The following KNDC1 variants were observed in gnomAD, a reference collection of about 807,000 sequenced individuals.
KNDC1 encodes the protein kinase non-catalytic C-lobe domain-containing protein 1.
KNDC1 carries 106 observed loss-of-function variants against 172.8 expected under a neutral mutation model. The observed-to-expected ratio is 0.61, with a 90% CI of 0.52 to 0.72. KNDC1 has a LOEUF of 0.72. Among genes scored for constraint, KNDC1 ranks in the 30% least tolerant of loss-of-function variants. The probability of loss-of-function intolerance (pLI) is 0.00; values close to 1 mark genes in which losing one functional copy is unlikely to be tolerated. For synonymous variants in KNDC1, 1,083 were observed against 1,062.2 expected (o/e 1.02, Z -0.38); for missense variants, 2,325 against 2,394.5 (o/e 0.97, Z 0.61).
chr10:133,185,553 C>T (rs1216238062), intron 5 of KNDC1, among the ~76,000 whole-genome samples: 4 of 152,000 alleles, frequency 2.6e-5, no homozygotes, highest in Non-Finnish European at 5.9e-5. Context: ...GAGAGATCAA[C>T]GCCGTGTGTG....
Position 133,190,873 on chromosome 10 carries a change from G to A in KNDC1, c.1575+1060G>A, listed in dbSNP as rs184264636. 4.6e-5 allele frequency among the ~76,000 whole-genome samples: 7 copies of A among 152,300 alleles called. No homozygotes were observed. The East Asian group carries it at 1.2e-3, about 25-fold the overall frequency. On this transcript the variant is annotated intron_variant, in intron 9 of 29. Coordinates refer to ENST00000304613, the MANE Select transcript of KNDC1 (RefSeq NM_152643.8). ...TGAGATTGTCTCAAACAAAAACCGC[G>A]TCCGTGAGGCTGCAGTGGCTCTGTG...
In KNDC1 at chr10:133,188,559, C is replaced by T. The variant is rs1406685031; in HGVS notation, c.1347C>T (p.Leu449=). 2.5e-6 allele frequency: 4 copies of T among 1,576,582 alleles called. No individual in the cohort carries two copies. Among genetic ancestry groups the T allele is most frequent in the Non-Finnish European group, 3.4e-6 (4 of 1,161,556 alleles). The part of the protein sequence containing the change: ...AAEQWVSLQD[L]LSQLGRPFRE... ...CACAGTGGGTGTCCCTGCAGGACCT[C>T]CTGTCCCAGCTGGGCCGGCCCTTCC... Residue 449 remains leucine, a synonymous_variant, in exon 7 of 30, where the codon CTC becomes CTT. Coordinates refer to ENST00000304613, the MANE Select transcript of KNDC1 (RefSeq NM_152643.8).
rs373887417 is a variant in KNDC1, at chr10:133,188,523, G to A, written c.1327-16G>A. On this transcript the variant is annotated splice_polypyrimidine_tract_variant and intron_variant, in intron 6 of 29. Coordinates refer to ENST00000304613, the MANE Select transcript of KNDC1 (RefSeq NM_152643.8). ...AAGGGGTGTCCACACTGACCTCGCCGCTCTCCTGCCCACAGTGGGTGTCCC... is the reference window on the plus strand; with the variant it reads ...AAGGGGTGTCCACACTGACCTCGCCACTCTCCTGCCCACAGTGGGTGTCCC... 459 of 1,518,888 alleles carry A rather than the reference G, an allele frequency of 3.0e-4. No homozygotes were observed. In the African/African-American group the frequency reaches 4.7e-3, roughly 16 times the overall value. 94.1% of individuals were successfully genotyped at this position (1,518,888 alleles called of 1,614,324 possible). A position where few individuals can be genotyped will look rare whatever the true frequency, so the allele number is the denominator to read the frequency against.
intron 9 of KNDC1, among the ~76,000 whole-genome samples, chr10:133,192,023 C>T (rs1430038768): frequency 6.6e-6 from 1 of 152,252 alleles, no homozygotes; most frequent in Admixed American, 6.5e-5. Flanking sequence ...CAAGTGGAAA[C>T]ACATCCCATG....
chr10:133,175,199 C>A (rs4838704), intron 3 of KNDC1, among the ~76,000 whole-genome samples: 1 of 147,294 alleles, frequency 6.8e-6, no homozygotes, highest in Non-Finnish European at 1.5e-5. Flanking sequence ...TGGATGGGTG[C>A]ATGGTGGATA....
At chr10:133,214,665 C>T (rs1327724133) in intron 26 of KNDC1, among the ~76,000 whole-genome samples, 2 of 152,338 alleles carry the variant, frequency 1.3e-5, no homozygotes, top group South Asian at 2.1e-4. Context: ...TCCTCCTGGC[C>T]GAATGCTCAT....
intron 3 of KNDC1, among the ~76,000 whole-genome samples, chr10:133,171,098 G>A (rs377103527): frequency 1.6e-4 from 24 of 152,364 alleles, no homozygotes; most frequent in African/African-American, 4.1e-4. Context: ...AGGTTGAGCC[G>A]ATAGTCACTG....
chr10:133,186,038 C>G lies in KNDC1; in HGVS notation c.690C>G (p.Pro230=). Residue 230 remains proline, a synonymous_variant, in exon 6 of 30, where the codon CCC becomes CCG. Coordinates refer to ENST00000304613, the MANE Select transcript of KNDC1 (RefSeq NM_152643.8). ...APGNAGPRRP[P]GDPSTDPEVL... Reference sequence around the variant, plus strand: ...GAAACGCTGGGCCCAGGAGGCCGCCCGGGGACCCCAGCACTGACCCGGAGG... The same window carrying G: ...GAAACGCTGGGCCCAGGAGGCCGCCGGGGGACCCCAGCACTGACCCGGAGG... The G allele has an allele frequency of 6.3e-7, 1 of 1,596,486 alleles. No homozygotes were observed. The highest frequency in any genetic ancestry group is 8.5e-7 in the Non-Finnish European group (1 of 1,173,242).
At chr10:133,221,617 T>C (rs1423884044) in intron 29 of KNDC1, among the ~76,000 whole-genome samples, 1 of 152,204 alleles carries the variant, frequency 6.6e-6, no homozygotes, top group Non-Finnish European at 1.5e-5. Flanking sequence ...ATGGCCTCAC[T>C]TGGGGAGCAA....
intron 11 of KNDC1, 120 bp downstream of exon 11, chr10:133,197,255 C>A (rs952090930): frequency 2.7e-5 from 21 of 768,618 alleles, no homozygotes; most frequent in Non-Finnish European, 4.4e-5. Context: ...TGTTGACCAC[C>A]GAGCTGTGGG....
At chr10:133,211,906 G>A in intron 23 of KNDC1, 48 bp downstream of exon 23, 1 of 1,552,746 alleles carries the variant, frequency 6.4e-7, no homozygotes, top group Non-Finnish European at 8.6e-7. Context: ...GCGGATGTGG[G>A]TCCCTGAGCC....
chr10:133,180,115 G>A (rs1354501794), intron 3 of KNDC1, among the ~76,000 whole-genome samples: 5 of 152,222 alleles, frequency 3.3e-5, no homozygotes, highest in African/African-American at 1.2e-4. Flanking sequence ...GCTGCTCTTC[G>A]CCGGTGGCTC....
In KNDC1 at chr10:133,210,703, G is replaced by T. The variant is rs752992378; in HGVS notation, c.3887G>T (p.Arg1296Leu). Residue 1296 changes from arginine to leucine, a missense_variant, in exon 21 of 30, where the codon CGC becomes CTC. Coordinates refer to ENST00000304613, the MANE Select transcript of KNDC1 (RefSeq NM_152643.8). ...PHDFLHFLLD[R>L]INSTLTRAHQ... ...GACTTCCTGCACTTCCTCCTCGACC[G>T]CATCAACAGCACGCTGACCAGGTAC... 1.2e-6 allele frequency: 2 copies of T among 1,613,116 alleles called. No homozygotes were observed.
chr10:133,174,708 G>A (rs556917320), intron 3 of KNDC1, among the ~76,000 whole-genome samples: 22 of 151,990 alleles, frequency 1.4e-4, no homozygotes, highest in African/African-American at 5.1e-4. Context: ...ATAGGTGGAT[G>A]GACAGATAGA....
intron 5 of KNDC1, among the ~76,000 whole-genome samples, chr10:133,185,494 G>GGCAGTGTGTGAAGTGTGGAGTTT: frequency 2.0e-5 from 1 of 49,238 alleles, no homozygotes; most frequent in Admixed American, 2.0e-4. Flanking sequence ...GTGTGGAGTA[G>GGCAGTGTGTGAAGTGTGGAGTTT]GCAGTGTGTG....
At chr10:133,180,722 C>T (rs895896779) in intron 3 of KNDC1, among the ~76,000 whole-genome samples, 1 of 152,248 alleles carries the variant, frequency 6.6e-6, no homozygotes, top group African/African-American at 2.4e-5. Flanking sequence ...GTGTGTGCGG[C>T]GCCCAGGCTG....
chr10:133,194,814 C>A (rs1438372685), intron 9 of KNDC1, among the ~76,000 whole-genome samples: 1 of 152,216 alleles, frequency 6.6e-6, no homozygotes, highest in Non-Finnish European at 1.5e-5. Flanking sequence ...TGATGGAGAA[C>A]ACGTGGATGA....
rs143471436 is a variant in KNDC1 at position 133,167,487 on chromosome 10, C to T, written c.209C>T (p.Ala70Val). Residue 70 changes from alanine to valine, a missense_variant, in exon 2 of 30, where the codon GCC becomes GTC. Ala to Val is a moderately conservative substitution (Grantham distance 64). Coordinates refer to ENST00000304613, the MANE Select transcript of KNDC1 (RefSeq NM_152643.8). ...TGCAGCCTGTCCATGCGGAGCGTGG[C>T]CCACGCCGCCATCTTCCAGAGCCTG... ...LECSLSMRSV[A>V]HAAIFQSLCI... 64 of 1,605,554 alleles carry T rather than the reference C, an allele frequency of 4.0e-5. No homozygotes were observed. Among genetic ancestry groups the T allele is most frequent in the Non-Finnish European group, 5.3e-5 (62 of 1,177,010 alleles).
At chr10:133,212,069 C>G (rs560667337) in intron 23 of KNDC1, among the ~76,000 whole-genome samples, 1 of 152,234 alleles carries the variant, frequency 6.6e-6, no homozygotes, top group South Asian at 2.1e-4. Context: ...TGCACATATG[C>G]ATGCACCTTC....
Sources: allele counts gnomAD v4.1 joint callset (sites outside exome capture counted in the v4.1 genomes callset), GRCh38; gene constraint gnomAD v4.1.1; transcripts MANE v1.5; gene names NCBI Gene and HGNC (gene_info 2026-07-23, HGNC 2026-07-21).